GRIN2B: variants seen among roughly 807,000 people sequenced by gnomAD.
The protein encoded by GRIN2B is glutamate ionotropic receptor NMDA type subunit 2B.
GRIN2B carries 5 observed loss-of-function variants against 114.5 expected under a neutral mutation model. That is an observed-to-expected ratio of 0.04 (90% CI 0.02 to 0.09). The LOEUF is 0.09. Among genes scored for constraint, GRIN2B ranks in the 10% least tolerant of loss-of-function variants. The pLI is 1.00. For missense variants in GRIN2B, 1,108 were observed against 1,943.5 expected (o/e 0.57, Z 8.08); for synonymous variants, 787 against 745.1 (o/e 1.06, Z -0.92).
At chr12:13,796,823 T>A (rs1315495066) in intron 3 of GRIN2B, among the ~76,000 whole-genome samples, 1 of 152,190 alleles carries the variant, frequency 6.6e-6, no homozygotes, top group Non-Finnish European at 1.5e-5. Context: ...AGAAATTAGA[T>A]GTTTTCTAAG....
rs1948239069 is a variant in GRIN2B at position 13,538,624 on chromosome 12, G to A, written c.*24159C>T. ...GAACCCAGGAGTTCAGAATCAGCCT[G>A]GACAACATGGTGAAACCCCGTCTCT... On this transcript the variant is annotated 3_prime_UTR_variant, in exon 14 of 14. Transcript: ENST00000609686. 6.6e-6 allele frequency: 1 copy of A among 152,090 alleles called. No individual in the cohort carries two copies. The highest frequency in any genetic ancestry group is 1.5e-5 in the Non-Finnish European group (1 of 68,042). 9.4% of individuals were successfully genotyped at this position (152,090 alleles called of 1,614,324 possible). A position where few individuals can be genotyped will look rare whatever the true frequency, so the allele number is the denominator to read the frequency against.
chr12:13,929,932 T>C (rs1866993543), intron 2 of GRIN2B, among the ~76,000 whole-genome samples: 1 of 152,126 alleles, frequency 6.6e-6, no homozygotes, highest in Non-Finnish European at 1.5e-5. Context: ...AAACCTGTAA[T>C]CTCAGCACTT....
chr12:13,706,708 T>G (rs940548302), intron 4 of GRIN2B, among the ~76,000 whole-genome samples: 1 of 152,074 alleles, frequency 6.6e-6, no homozygotes, highest in Admixed American at 6.6e-5. Flanking sequence ...ATTTTTTGAA[T>G]CTCCTAAACT....
At chr12:13,898,900 C>T (rs1183029545) in intron 2 of GRIN2B, among the ~76,000 whole-genome samples, 1 of 152,208 alleles carries the variant, frequency 6.6e-6, no homozygotes, top group Non-Finnish European at 1.5e-5. Context: ...AAGAGCAAAA[C>T]TCCGTCTCAA....
intron 4 of GRIN2B, among the ~76,000 whole-genome samples, chr12:13,713,867 C>G (rs2136584465): frequency 6.6e-6 from 1 of 151,938 alleles, no homozygotes. Context: ...GAGAACAATG[C>G]AGAGTGTTTA....
intron 5 of GRIN2B, among the ~76,000 whole-genome samples, chr12:13,657,095 G>T (rs1395605378): frequency 3.9e-5 from 6 of 152,184 alleles, no homozygotes; most frequent in Non-Finnish European, 8.8e-5. Context: ...GCAGGAGAGG[G>T]GCCTGGGAGT....
intron 2 of GRIN2B, among the ~76,000 whole-genome samples, chr12:13,894,142 AC>A (rs926120585): frequency 1.3e-5 from 2 of 152,084 alleles, no homozygotes; most frequent in Admixed American, 6.6e-5. Flanking sequence ...ATTGATACAA[AC>A]CATTTTAGAA....
At chr12:13,945,194 C>T (rs1867340381) in intron 2 of GRIN2B, among the ~76,000 whole-genome samples, 1 of 152,154 alleles carries the variant, frequency 6.6e-6, no homozygotes, top group South Asian at 2.1e-4. Context: ...AGCAAACACA[C>T]AGGCCCACAA....
intron 2 of GRIN2B, among the ~76,000 whole-genome samples, chr12:13,904,521 GC>G (rs1206753643): frequency 6.6e-6 from 1 of 151,604 alleles, no homozygotes; most frequent in African/African-American, 2.4e-5. Context: ...TTATCTTTTT[GC>G]AAATGGCTAA....
At chr12:13,885,998 C>T (rs1034719945) in intron 2 of GRIN2B, among the ~76,000 whole-genome samples, 1 of 152,070 alleles carries the variant, frequency 6.6e-6, no homozygotes, top group Non-Finnish European at 1.5e-5. Flanking sequence ...TCCACAAGCG[C>T]CCCAGATGAC....
At chr12:13,585,499 A>ATGTT (rs761402060) in intron 10 of GRIN2B, among the ~76,000 whole-genome samples, 34 of 152,278 alleles carry the variant, frequency 2.2e-4, no homozygotes, top group African/African-American at 7.7e-4. Flanking sequence ...GGTTTATGGA[A>ATGTT]TGTTAGTATT....
chr12:13,590,581 A>AT (rs536838974), intron 10 of GRIN2B, among the ~76,000 whole-genome samples: 3 of 151,834 alleles, frequency 2.0e-5, no homozygotes, highest in Admixed American at 1.3e-4. Flanking sequence ...ACATGAACTC[A>AT]TTTTTTTTAT....
intron 3 of GRIN2B, among the ~76,000 whole-genome samples, chr12:13,858,018 CTT>C (rs1345498538): frequency 2.0e-5 from 3 of 152,138 alleles, no homozygotes; most frequent in Non-Finnish European, 2.9e-5. Flanking sequence ...TCTCTAGACT[CTT>C]TGTTCTGAGA....
chr12:13,854,205 G>T (rs971390452), intron 3 of GRIN2B, among the ~76,000 whole-genome samples: 4 of 152,212 alleles, frequency 2.6e-5, no homozygotes, highest in Non-Finnish European at 5.9e-5. Flanking sequence ...ACACACACAT[G>T]CACATGCACA....
At chr12:13,815,169 C>T (rs898345928) in intron 3 of GRIN2B, among the ~76,000 whole-genome samples, 1 of 151,874 alleles carries the variant, frequency 6.6e-6, no homozygotes, top group South Asian at 2.1e-4. Context: ...CATCAGTGGC[C>T]GAATAAATGA....
At position 13,931,637 on chromosome 12, in the gene GRIN2B, T is replaced by C. The variant is rs1267121220; in HGVS notation, c.-19+48291A>G. Among the ~76,000 whole-genome samples the C allele has an allele frequency of 2.0e-5, 3 of 152,224 alleles. 1 individual carries two copies. Among genetic ancestry groups the C allele is most frequent in the African/African-American group, 7.2e-5 (3 of 41,466 alleles). On this transcript the variant is annotated intron_variant, in intron 2 of 13. Transcript: ENST00000609686. ...ACTTCTTCAAACCTCAAGATTCAAA[T>C]GGATTTCTAAATCAGAAATACCTTA...
intron 3 of GRIN2B, among the ~76,000 whole-genome samples, chr12:13,825,496 T>TGTGTGTGTG (rs1555144019): frequency 4.0e-4 from 49 of 122,968 alleles, no homozygotes; most frequent in Non-Finnish European, 7.0e-4. Flanking sequence ...TATATATATT[T>TGTGTGTGTG]TGTGTGTGTG....
intron 9 of GRIN2B, among the ~76,000 whole-genome samples, chr12:13,610,227 A>C (rs983386168): frequency 6.6e-6 from 1 of 152,248 alleles, no homozygotes; most frequent in Non-Finnish European, 1.5e-5. Context: ...TCAAAGCTTT[A>C]TAAATTGTAA....
chr12:13,580,270 G>A (rs1948829873), intron 10 of GRIN2B, among the ~76,000 whole-genome samples: 1 of 152,156 alleles, frequency 6.6e-6, no homozygotes, highest in Admixed American at 6.5e-5. Context: ...CTGCCTTCTT[G>A]GGTAGTTGGC....
Sources: gnomAD v4.1 joint callset for allele counts (sites outside exome capture counted in the v4.1 genomes callset) on GRCh38, gnomAD v4.1.1 for gene constraint, MANE v1.5 for transcripts, NCBI Gene and HGNC (gene_info 2026-07-23, HGNC 2026-07-21) for gene names.